NSD3: variants seen among roughly 807,000 people sequenced by gnomAD.
The protein encoded by NSD3 is nuclear receptor binding SET domain protein 3.
A neutral mutation model predicts 160.8 loss-of-function variants in NSD3; 24 were observed. The observed-to-expected ratio is 0.15, with a 90% CI of 0.11 to 0.21. NSD3 has a LOEUF of 0.21. NSD3 is among the 10% of genes least tolerant of loss of function. The pLI, the probability that NSD3 is intolerant of heterozygous loss-of-function variation, is 1.00. For synonymous variants in NSD3, 520 were observed against 600.0 expected (o/e 0.87, Z 1.95); for missense variants, 1,157 against 1,735.9 (o/e 0.67, Z 5.93).
chr8:38,278,705 G>A (rs186987711), intron 21 of NSD3, among the ~76,000 whole-genome samples: 21 of 152,342 alleles, frequency 1.4e-4, no homozygotes, highest in Non-Finnish European at 2.2e-4. Context: ...CTATGCTCAG[G>A]AGACTAGGTT....
chr8:38,332,804 A>C (rs1441766444), intron 4 of NSD3, among the ~76,000 whole-genome samples: 3 of 152,124 alleles, frequency 2.0e-5, no homozygotes, highest in Non-Finnish European at 4.4e-5. Context: ...TAGACATTTG[A>C]AAAAAGTAAA....
chr8:38,318,392 G>A lies in NSD3; in HGVS notation c.1855+503C>T, dbSNP rs1288304475. On this transcript the variant is annotated intron_variant, in intron 9 of 23. Coordinates refer to ENST00000317025, the MANE Select transcript of NSD3 (RefSeq NM_023034.2). The surrounding 1 kb of genome is among the most constrained non-coding windows in gnomAD (Gnocchi z 5.3). ...TTAAACTTTGTGCATATCTCAAATA[G>A]ATTCGCATAAGGTCATCTAATAGTG... Among the ~76,000 whole-genome samples, 1 of 152,096 alleles carries A rather than the reference G, an allele frequency of 6.6e-6. No homozygotes were observed. Among genetic ancestry groups the A allele is most frequent in the Non-Finnish European group, 1.5e-5 (1 of 68,006 alleles).
chr8:38,301,068 C>T (rs542820836), intron 14 of NSD3, among the ~76,000 whole-genome samples: 19 of 152,256 alleles, frequency 1.2e-4, no homozygotes, highest in African/African-American at 4.1e-4. Flanking sequence ...CTCCTGGGCT[C>T]GAGTGATCCT....
rs1166023874 is a variant in NSD3 at position 38,272,470 on chromosome 8, T to A, written c.*3171A>T. The A allele has an allele frequency of 6.6e-6, 1 of 152,294 alleles. No homozygotes were observed. Among genetic ancestry groups the A allele is most frequent in the African/African-American group, 2.4e-5 (1 of 41,462 alleles). 9.4% of individuals were successfully genotyped at this position (152,294 alleles called of 1,614,324 possible). On this transcript the variant is annotated 3_prime_UTR_variant, in exon 24 of 24. Coordinates refer to ENST00000317025, the MANE Select transcript of NSD3 (RefSeq NM_023034.2). ...TGAAGAGCCATCCACCTTGCCCTTC[T>A]CAGCCAGCCACAGGCAGCTCTTCTG...
intron 16 of NSD3, 102 bp downstream of exon 16, chr8:38,295,694 C>T (rs185818438): frequency 9.2e-7 from 1 of 1,083,096 alleles, no homozygotes; most frequent in East Asian, 2.7e-5. Flanking sequence ...GAAGTAGGTC[C>T]ATGCTGTCTA....
chr8:38,376,257 T>C (rs1366585331), intron 1 of NSD3, among the ~76,000 whole-genome samples: 1 of 152,158 alleles, frequency 6.6e-6, no homozygotes, highest in Non-Finnish European at 1.5e-5. Context: ...ACACAATTCA[T>C]TTTTGCATGT....
At chr8:38,324,928 T>C (rs1585887619) in intron 7 of NSD3, among the ~76,000 whole-genome samples, 1 of 152,254 alleles carries the variant, frequency 6.6e-6, no homozygotes, top group Admixed American at 6.5e-5. Flanking sequence ...AGAGAGGGCA[T>C]GGAAGCTCTA....
intron 1 of NSD3, among the ~76,000 whole-genome samples, chr8:38,360,405 G>A (rs2150389945): frequency 6.6e-6 from 1 of 152,160 alleles, no homozygotes; most frequent in South Asian, 2.1e-4. Context: ...CTTTTTTAAT[G>A]AAAACTTGAG....
At chr8:38,333,276 T>C (rs1281937594) in intron 4 of NSD3, among the ~76,000 whole-genome samples, 1 of 152,186 alleles carries the variant, frequency 6.6e-6, no homozygotes, top group Non-Finnish European at 1.5e-5. Context: ...CATTAAATCA[T>C]TTACTAGAGA....
At position 38,346,371 on chromosome 8, in the gene NSD3, A is replaced by ATATATATGTATATATAAATATATATTG. The variant is rs908398919; in HGVS notation, c.675+1099_675+1125dup. Among the ~76,000 whole-genome samples the ATATATATGTATATATAAATATATATTG allele has an allele frequency of 1.3e-3, 187 of 147,308 alleles. 1 individual carries two copies. Among genetic ancestry groups the ATATATATGTATATATAAATATATATTG allele is most frequent in the Non-Finnish European group, 1.1e-3 (74 of 66,968 alleles). ...GTATATATAGTATATGTATATATGTATATATATGTATATATAAATATATAT... is the reference window on the plus strand; with the variant it reads ...GTATATATAGTATATGTATATATGTATATATATGTATATATAAATATATATTGTATATATGTATATATAAATATATAT... On this transcript the variant is annotated intron_variant, in intron 2 of 23. Transcript: ENST00000317025.
intron 1 of NSD3, among the ~76,000 whole-genome samples, chr8:38,355,804 C>G (rs1020453210): frequency 1.3e-5 from 2 of 152,176 alleles, no homozygotes; most frequent in African/African-American, 2.4e-5. Flanking sequence ...CTATTCTAAA[C>G]ATTTTACATT....
intron 19 of NSD3, among the ~76,000 whole-genome samples, chr8:38,284,085 AG>A (rs936578839): frequency 6.6e-6 from 1 of 152,166 alleles, no homozygotes; most frequent in Non-Finnish European, 1.5e-5. Flanking sequence ...CCTGGGTGAC[AG>A]GGCAAGACTG....
At chr8:38,291,617 A>G (rs1315815503) in intron 16 of NSD3, among the ~76,000 whole-genome samples, 2 of 152,244 alleles carry the variant, frequency 1.3e-5, no homozygotes, top group Non-Finnish European at 2.9e-5. Flanking sequence ...CATGGGTAAG[A>G]ATCCATGCGC....
intron 1 of NSD3, among the ~76,000 whole-genome samples, chr8:38,379,995 C>T (rs1038097541): frequency 1.3e-5 from 2 of 152,070 alleles, no homozygotes; most frequent in Admixed American, 1.3e-4. Flanking sequence ...CTGTAGTTTC[C>T]TGAGAGTCAA....
At chr8:38,279,769 T>C (rs1585850390) in intron 20 of NSD3, 88 bp from the exon 21 acceptor site, 2 of 1,440,896 alleles carry the variant, frequency 1.4e-6, no homozygotes, top group East Asian at 2.4e-5. Flanking sequence ...GGCAGCAGCA[T>C]TTTGCTACCA....
At chr8:38,282,758 AAAATC>A (rs2130986039) in intron 19 of NSD3, among the ~76,000 whole-genome samples, 1 of 148,910 alleles carries the variant, frequency 6.7e-6, no homozygotes, top group South Asian at 2.1e-4. Flanking sequence ...TTTAAAGAAA[AAAATC>A]AGGCAGATTC....
chr8:38,354,473 TATTA>T (rs1810774403), intron 1 of NSD3, among the ~76,000 whole-genome samples: 1 of 152,238 alleles, frequency 6.6e-6, no homozygotes, highest in African/African-American at 2.4e-5. Context: ...ACAATGGAGC[TATTA>T]ATTTCAAGGT....
At chr8:38,300,532 T>C (rs1004098110) in intron 14 of NSD3, among the ~76,000 whole-genome samples, 1 of 152,182 alleles carries the variant, frequency 6.6e-6, no homozygotes, top group Non-Finnish European at 1.5e-5. Flanking sequence ...AACATTTTCA[T>C]TTTTTCCCTG....
intron 15 of NSD3, among the ~76,000 whole-genome samples, chr8:38,296,667 T>C (rs1260224087): frequency 7.4e-6 from 1 of 135,130 alleles, no homozygotes; most frequent in Non-Finnish European, 1.6e-5. Flanking sequence ...TCTCTCTCTC[T>C]CTCCCTCTGT....
Sources: gnomAD v4.1 joint callset for allele counts (sites outside exome capture counted in the v4.1 genomes callset) on GRCh38, gnomAD v4.1.1 for gene constraint, Gnocchi (gnomAD v3.1) non-coding constraint, MANE v1.5 for transcripts, NCBI Gene and HGNC (gene_info 2026-07-23, HGNC 2026-07-21) for gene names.